The following SP100 variants were observed in gnomAD, a reference collection of about 807,000 sequenced individuals.
SP100 encodes the protein nuclear autoantigen Sp-100.
Under a neutral mutation model 130.0 loss-of-function variants are expected in SP100, and 84 were observed. That is an observed-to-expected ratio of 0.65 (90% CI 0.54 to 0.77). The LOEUF (loss-of-function observed/expected upper bound fraction) is 0.77. Ranked by LOEUF, SP100 falls within the 30% of genes least tolerant of loss-of-function variation. SP100 has a pLI of 0.00. For synonymous variants in SP100, 331 were observed against 351.7 expected, an observed-to-expected ratio of 0.94 and a Z score of 0.66; for missense variants, 978 against 1,052.2, an observed-to-expected ratio of 0.93 and a Z score of 0.97.
chr2:230,417,780 T>G (rs998732381), intron 2 of SP100, 115 bp downstream of exon 2: 1 of 1,441,468 alleles, frequency 6.9e-7, no homozygotes, highest in Non-Finnish European at 9.2e-7. Context: ...AAATTGCTTG[T>G]TTGTTTTTTG....
intron 8 of SP100, among the ~76,000 whole-genome samples, chr2:230,457,327 G>A (rs1422672731): frequency 3.9e-5 from 6 of 152,228 alleles, no homozygotes; most frequent in Non-Finnish European, 7.3e-5. Flanking sequence ...GTGCCACTTG[G>A]TCCAGTTTGG....
intron 23 of SP100, chr2:230,510,178 G>T (rs1053773008): frequency 6.6e-6 from 1 of 152,586 alleles, no homozygotes; most frequent in African/African-American, 2.4e-5. Flanking sequence ...TTGAGCTACA[G>T]GTAAAAGCTT....
intron 15 of SP100, among the ~76,000 whole-genome samples, chr2:230,470,857 A>G (rs150624580): frequency 6.6e-6 from 1 of 152,352 alleles, no homozygotes; most frequent in East Asian, 1.9e-4. Flanking sequence ...AGGAGACTAT[A>G]CCAGTGCCTG....
rs551581218 is a variant in SP100, at chr2:230,490,261, C to CT, written c.1601-4149dup. 1.2e-3 allele frequency among the ~76,000 whole-genome samples: 188 copies of CT among 152,014 alleles called. 2 individuals carry two copies. The highest frequency in any genetic ancestry group is 4.2e-3 in the African/African-American group (172 of 41,428). On this transcript the variant is annotated intron_variant, in intron 17 of 28. Transcript: ENST00000340126. ...ACCATTATGTAATGCCCTTCTTTGT[C>CT]TTTTTTGATCTTTGTTGGTTTAAAG...
chr2:230,421,155 TA>T (rs2062756308), intron 2 of SP100, among the ~76,000 whole-genome samples: 1 of 152,100 alleles, frequency 6.6e-6, no homozygotes, highest in African/African-American at 2.4e-5. Context: ...ACCCCACAAA[TA>T]ACTATTGCCC....
intron 5 of SP100, among the ~76,000 whole-genome samples, chr2:230,448,486 C>G (rs949169014): frequency 6.6e-6 from 1 of 151,962 alleles, no homozygotes; most frequent in Non-Finnish European, 1.5e-5. Flanking sequence ...AAGGAAAAAC[C>G]CAGATGTTCT....
At chr2:230,421,335 T>C (rs1444656459) in intron 2 of SP100, among the ~76,000 whole-genome samples, 2 of 152,128 alleles carry the variant, frequency 1.3e-5, no homozygotes, top group Non-Finnish European at 2.9e-5. Flanking sequence ...CCTGATTCCA[T>C]CAGTTCTGGT....
intron 24 of SP100, among the ~76,000 whole-genome samples, chr2:230,528,340 C>T (rs1043837185): frequency 2.6e-5 from 4 of 152,106 alleles, no homozygotes; most frequent in African/African-American, 7.2e-5. Context: ...GGGTAAATAA[C>T]GAAATGAAGG....
chr2:230,528,118 GA>G lies in SP100; in HGVS notation c.2095-11147del, dbSNP rs1392559324. Among the ~76,000 whole-genome samples, 3 of 152,300 alleles carry G rather than the reference GA, an allele frequency of 2.0e-5. No homozygotes were observed. The East Asian group carries it at 5.8e-4, about 29-fold the overall frequency. ...CAGAACTCTACACCCCAAATCAACA[GA>G]ATATACATTCTTCTCACCACCACAT... On this transcript the variant is annotated intron_variant, in intron 24 of 28. Transcript: ENST00000340126.
chr2:230,488,976 A>G (rs562490274), intron 17 of SP100, among the ~76,000 whole-genome samples: 2 of 152,268 alleles, frequency 1.3e-5, no homozygotes, highest in East Asian at 3.9e-4. Flanking sequence ...ATTGGCCTGA[A>G]GTTTCCTTTT....
intron 21 of SP100, 21 bp downstream of exon 21, chr2:230,504,311 A>G (rs1187885022): frequency 7.3e-7 from 1 of 1,376,800 alleles, no homozygotes; most frequent in South Asian, 1.2e-5. Context: ...TGGTCCATCT[A>G]CGATTTTCAG....
chr2:230,467,260 C>G lies in SP100; in HGVS notation c.1291+45C>G, dbSNP rs773622945. Reference sequence around the variant, plus strand: ...CTTCAGGGCTCTGACTTCAGAGCACCTCTTCCCTGATGCACTGTGCTCTGA... The same window carrying G: ...CTTCAGGGCTCTGACTTCAGAGCACGTCTTCCCTGATGCACTGTGCTCTGA... On this transcript the variant is annotated intron_variant, in intron 13 of 28. Coordinates refer to ENST00000340126, the MANE Select transcript of SP100 (RefSeq NM_001080391.2). The G allele has an allele frequency of 3.7e-5, 50 of 1,341,766 alleles. 1 individual carries two copies. The highest frequency in any genetic ancestry group is 5.0e-5 in the Non-Finnish European group (47 of 931,830). The allele number at this position is 1,341,766 out of a possible 1,614,324, so 83.1% of individuals were successfully genotyped here. A position where few individuals can be genotyped will look rare whatever the true frequency, so the allele number is the denominator to read the frequency against.
intron 24 of SP100, among the ~76,000 whole-genome samples, chr2:230,531,335 C>T (rs928943534): frequency 6.6e-6 from 1 of 151,666 alleles, no homozygotes; most frequent in African/African-American, 2.4e-5. Flanking sequence ...AACCAAACAC[C>T]GCATGTTCTC....
Position 230,503,129 on chromosome 2 carries a change from T to C in SP100, c.1765+19T>C. 1 of 1,541,268 alleles carries C rather than the reference T, an allele frequency of 6.5e-7. No homozygotes were observed. Among genetic ancestry groups the C allele is most frequent in the Admixed American group, 1.8e-5 (1 of 57,050 alleles). ...AAAAGAGGTAAATAGAAGTGATCGATATGTTTTTCATAATTAAACATTTAA... is the reference window on the plus strand; with the variant it reads ...AAAAGAGGTAAATAGAAGTGATCGACATGTTTTTCATAATTAAACATTTAA... On this transcript the variant is annotated intron_variant, in intron 20 of 28. Coordinates refer to ENST00000340126, the MANE Select transcript of SP100 (RefSeq NM_001080391.2).
intron 23 of SP100, chr2:230,508,917 CCA>C (rs56380956): frequency 0.017 from 2,550 of 146,066 alleles, 68 homozygotes; most frequent in African/African-American, 0.056. Context: ...TTTACCTCCA[CCA>C]CACACACACA....
At chr2:230,526,853 A>G (rs778745468) in intron 24 of SP100, among the ~76,000 whole-genome samples, 7 of 152,198 alleles carry the variant, frequency 4.6e-5, no homozygotes, top group Admixed American at 2.6e-4. Context: ...AATGAAATAA[A>G]GTGAGAAGAC....
Position 230,544,860 on chromosome 2 carries a change from A to G in SP100, c.*1914A>G, listed in dbSNP as rs141209271. The stretch of plus-strand genomic sequence containing the variant: ...AGCTCAATATCACTGATCGTTAGAG[A>G]CATGCAAATTAAAACTACAATGAGA... On this transcript the variant is annotated 3_prime_UTR_variant, in exon 29 of 29. Transcript: ENST00000340126. Among the ~76,000 whole-genome samples the G allele has an allele frequency of 7.2e-4, 110 of 152,372 alleles. No individual in the cohort carries two copies. The highest frequency in any genetic ancestry group is 2.5e-3 in the African/African-American group (105 of 41,594).
At chr2:230,465,193 A>G (rs2619159) in intron 11 of SP100, among the ~76,000 whole-genome samples, 57,633 of 151,436 alleles carry the variant, frequency 0.38, 11,505 homozygotes, top group Middle Eastern at 0.49. Flanking sequence ...CCAAGATCAT[A>G]CCACTGCACT....
In SP100 at chr2:230,506,782, T is replaced by TACAC. The variant is rs57619257; in HGVS notation, c.2013+377_2013+380dup. On this transcript the variant is annotated intron_variant, in intron 22 of 28. Coordinates refer to ENST00000340126, the MANE Select transcript of SP100 (RefSeq NM_001080391.2). ...ATTTTCGGGGGAGGTAAATGTTAAA[T>TACAC]ACACACACACACACACACACACACA... 363 of 181,530 alleles carry TACAC rather than the reference T, an allele frequency of 2.0e-3. 3 individuals are homozygous for TACAC. Among genetic ancestry groups the TACAC allele is most frequent in the East Asian group, 0.015 (104 of 7,036 alleles). The allele number at this position is 181,530 out of a possible 1,614,324, so 11.2% of individuals were successfully genotyped here. A position where few individuals can be genotyped will look rare whatever the true frequency, so the allele number is the denominator to read the frequency against.
Sources: gnomAD v4.1 joint callset for allele counts (sites outside exome capture counted in the v4.1 genomes callset) on GRCh38, gnomAD v4.1.1 for gene constraint, MANE v1.5 for transcripts, NCBI Gene and HGNC (gene_info 2026-07-23, HGNC 2026-07-21) for gene names.